DCLK1: variants seen among roughly 807,000 people sequenced by gnomAD.
DCLK1 encodes the protein doublecortin like kinase 1, also known as serine/threonine-protein kinase DCLK1.
Under a neutral mutation model 86.2 loss-of-function variants are expected in DCLK1, and 16 were observed. The ratio of observed to expected loss-of-function variants is 0.19; its 90% CI spans 0.13 to 0.28. The LOEUF (loss-of-function observed/expected upper bound fraction) is 0.28. DCLK1 is among the 10% of genes least tolerant of loss of function. DCLK1 has a pLI of 1.00. For missense variants in DCLK1, 590 were observed against 940.2 expected, an observed-to-expected ratio of 0.63 and a Z score of 4.87; for synonymous variants, 369 against 370.5, an observed-to-expected ratio of 1.00 and a Z score of 0.05.
At chr13:35,909,906 C>T (rs1874913487) in intron 4 of DCLK1, among the ~76,000 whole-genome samples, 1 of 152,154 alleles carries the variant, frequency 6.6e-6, no homozygotes, top group South Asian at 2.1e-4. Flanking sequence ...AACAGGCTTG[C>T]TTCTACAGCT....
At chr13:35,930,015 T>A (rs1261392547) in intron 4 of DCLK1, among the ~76,000 whole-genome samples, 2 of 152,156 alleles carry the variant, frequency 1.3e-5, no homozygotes, top group African/African-American at 4.8e-5. Flanking sequence ...TAAAAAGCTA[T>A]AAAGACAGCC....
intron 16 of DCLK1, among the ~76,000 whole-genome samples, chr13:35,787,075 T>C (rs951250036): frequency 6.7e-6 from 1 of 150,056 alleles, no homozygotes; most frequent in Non-Finnish European, 1.5e-5. Context: ...GCTAAAATCA[T>C]ATATATATAT....
Position 35,963,498 on chromosome 13 carries a change from G to T in DCLK1, c.724-16041C>A, listed in dbSNP as rs9593634. On this transcript the variant is annotated intron_variant, in intron 3 of 16. Transcript: ENST00000360631. Reference sequence around the variant, plus strand: ...ATTGGCTTATGCTGAGAGGTTAAAGGGTATGAAATTTTTCTGGCATTGTTC... The same window carrying T: ...ATTGGCTTATGCTGAGAGGTTAAAGTGTATGAAATTTTTCTGGCATTGTTC... Among the ~76,000 whole-genome samples, 1,190 of 152,224 alleles carry T rather than the reference G, an allele frequency of 7.8e-3. 9 individuals are homozygous for T. The highest frequency in any genetic ancestry group is 0.027 in the African/African-American group (1,127 of 41,536).
chr13:35,769,679 C>T lies in DCLK1; in HGVS notation c.*4856G>A, dbSNP rs2086295078. 1 of 152,150 alleles carries T rather than the reference C, an allele frequency of 6.6e-6. No individual in the cohort carries two copies. Among genetic ancestry groups the T allele is most frequent in the South Asian group, 2.1e-4 (1 of 4,832 alleles). The allele number at this position is 152,150 out of a possible 1,614,324, so 9.4% of individuals were successfully genotyped here. ...CATCACCTTTAAAATTCTATTTTCTCTTAGTAGCAACAGTGAAGACTTTAG... is the reference window on the plus strand; with the variant it reads ...CATCACCTTTAAAATTCTATTTTCTTTTAGTAGCAACAGTGAAGACTTTAG... On this transcript the variant is annotated 3_prime_UTR_variant, in exon 17 of 17. Transcript: ENST00000360631.
chr13:36,055,530 G>C (rs1883269922), intron 3 of DCLK1, among the ~76,000 whole-genome samples: 1 of 152,082 alleles, frequency 6.6e-6, no homozygotes, highest in Non-Finnish European at 1.5e-5. Flanking sequence ...GAAGAATAAG[G>C]GGAAACCTCC....
chr13:35,856,139 A>G (rs1379446833), intron 5 of DCLK1, among the ~76,000 whole-genome samples: 1 of 152,134 alleles, frequency 6.6e-6, no homozygotes, highest in Non-Finnish European at 1.5e-5. Flanking sequence ...GTATTTGGCA[A>G]CTCCTAAAAA....
At chr13:35,854,780 T>A (rs567598334) in intron 5 of DCLK1, among the ~76,000 whole-genome samples, 187 bp from the exon 6 acceptor site, 2 of 152,328 alleles carry the variant, frequency 1.3e-5, no homozygotes, top group African/African-American at 4.8e-5. Context: ...GTTTTGTAAA[T>A]CCTGTGTTTC....
intron 3 of DCLK1, among the ~76,000 whole-genome samples, chr13:36,091,396 A>C (rs1329932670): frequency 6.6e-6 from 1 of 152,226 alleles, no homozygotes; most frequent in African/African-American, 2.4e-5. Flanking sequence ...AATTTTAAAA[A>C]ATGCTCATCT....
intron 11 of DCLK1, among the ~76,000 whole-genome samples, chr13:35,818,870 C>T (rs916367161): frequency 1.3e-5 from 2 of 151,788 alleles, no homozygotes; most frequent in African/African-American, 4.8e-5. Context: ...TATACACATA[C>T]ACACATACAC....
At chr13:35,827,534 A>G in intron 10 of DCLK1, 101 bp downstream of exon 10, 1 of 1,405,954 alleles carries the variant, frequency 7.1e-7, no homozygotes, top group South Asian at 1.3e-5. Context: ...TACAGAAATG[A>G]GAACCTGAAT....
intron 3 of DCLK1, among the ~76,000 whole-genome samples, chr13:36,066,634 G>T (rs1883760754): frequency 6.6e-6 from 1 of 151,996 alleles, no homozygotes; most frequent in African/African-American, 2.4e-5. Flanking sequence ...TACAAAATGG[G>T]AGGAAATTTT....
chr13:35,856,967 A>G (rs1391253502), intron 5 of DCLK1, among the ~76,000 whole-genome samples: 1 of 152,208 alleles, frequency 6.6e-6, no homozygotes, highest in Non-Finnish European at 1.5e-5. Context: ...TAGGCAGTTC[A>G]AAACCTGCAG....
intron 3 of DCLK1, among the ~76,000 whole-genome samples, chr13:35,971,802 C>T (rs1879073910): frequency 6.6e-6 from 1 of 152,054 alleles, no homozygotes; most frequent in African/African-American, 2.4e-5. Context: ...GGCACTCTCC[C>T]TGTTAATGCT....
intron 4 of DCLK1, among the ~76,000 whole-genome samples, chr13:35,945,441 G>C (rs993971252): frequency 2.6e-5 from 4 of 152,130 alleles, no homozygotes; most frequent in Non-Finnish European, 5.9e-5. Context: ...GGGGCCCCAA[G>C]TCCATCTGGG....
chr13:36,110,626 A>C (rs568935081), intron 3 of DCLK1, among the ~76,000 whole-genome samples: 1 of 152,256 alleles, frequency 6.6e-6, no homozygotes, highest in South Asian at 2.1e-4. Flanking sequence ...TAATAAGATC[A>C]ATCTTTTAAT....
At chr13:36,107,090 C>T (rs892703466) in intron 3 of DCLK1, among the ~76,000 whole-genome samples, 2 of 104,210 alleles carry the variant, frequency 1.9e-5, no homozygotes, top group Non-Finnish European at 3.8e-5. Context: ...CATTTACAAG[C>T]ATCTTTTGAG....
At chr13:35,788,569 A>T (rs542454181) in intron 16 of DCLK1, among the ~76,000 whole-genome samples, 1 of 152,204 alleles carries the variant, frequency 6.6e-6, no homozygotes, top group East Asian at 1.9e-4. Flanking sequence ...AAAGATATAA[A>T]CACCTCTTCA....
At chr13:36,016,093 T>C (rs540042388) in intron 3 of DCLK1, among the ~76,000 whole-genome samples, 1 of 152,262 alleles carries the variant, frequency 6.6e-6, no homozygotes, top group African/African-American at 2.4e-5. Context: ...AATACTGATA[T>C]AAACAACCAG....
In DCLK1 at chr13:35,810,909, G is replaced by A. The variant is rs1278377785; in HGVS notation, c.1614C>T (p.Thr538=). The change falls in exon 12 of 17, where the codon ACC becomes ACT. Residue 538 remains threonine (T), a synonymous_variant. Transcript: ENST00000360631. The part of the protein sequence containing the change: ...SLKLGDFGLA[T]IVDGPLYTVC... ...CTGTGTACAGGGGGCCGTCTACAAT[G>A]GTGGCCAGTCCAAAGTCACCCAGCT... 6.2e-7 allele frequency: 1 copy of A among 1,614,048 alleles called. No homozygotes were observed. Among genetic ancestry groups the A allele is most frequent in the East Asian group, 2.2e-5 (1 of 44,874 alleles).
Sources: gnomAD v4.1 joint callset for allele counts (sites outside exome capture counted in the v4.1 genomes callset) on GRCh38, gnomAD v4.1.1 for gene constraint, MANE v1.5 for transcripts, NCBI Gene and HGNC (gene_info 2026-07-23, HGNC 2026-07-21) for gene names.